Variants in CNTN5 observed in about 807,000 individuals in gnomAD.
CNTN5 encodes the protein contactin-5.
Under a neutral mutation model 129.1 loss-of-function variants are expected in CNTN5, and 77 were observed. That is an observed-to-expected ratio of 0.60 (90% CI 0.50 to 0.72). The LOEUF is 0.72. CNTN5 is among the 30% of genes least tolerant of loss of function. The probability of loss-of-function intolerance (pLI) is 0.00; values close to 1 mark genes in which losing one functional copy is unlikely to be tolerated. For synonymous variants in CNTN5, 509 were observed against 465.6 expected (o/e 1.09, Z -1.20); for missense variants, 1,478 against 1,328.8 (o/e 1.11, Z -1.75).
At chr11:100,209,520 T>C (rs1249943398) in intron 15 of CNTN5, among the ~76,000 whole-genome samples, 3 of 152,208 alleles carry the variant, frequency 2.0e-5, no homozygotes, top group Admixed American at 2.0e-4. Context: ...TACTTGTTAA[T>C]AGAAAATCAG....
chr11:99,207,925 C>G (rs1859565251), intron 1 of CNTN5, among the ~76,000 whole-genome samples: 1 of 152,140 alleles, frequency 6.6e-6, no homozygotes, highest in South Asian at 2.1e-4. Flanking sequence ...TGAGTTATTT[C>G]AAATATATCT....
intron 13 of CNTN5, among the ~76,000 whole-genome samples, chr11:100,102,193 C>T (rs993379536): frequency 6.6e-6 from 1 of 150,908 alleles, no homozygotes; most frequent in African/African-American, 2.4e-5. Context: ...TTGCCACCCT[C>T]AGTGTAAGTG....
chr11:99,670,028 T>A (rs1046247129), intron 3 of CNTN5, among the ~76,000 whole-genome samples: 1 of 152,200 alleles, frequency 6.6e-6, no homozygotes, highest in Admixed American at 6.5e-5. Flanking sequence ...TTATGTGCCA[T>A]GTTGGTGAAA....
intron 6 of CNTN5, among the ~76,000 whole-genome samples, chr11:99,892,363 G>T (rs913552199): frequency 1.3e-5 from 2 of 152,146 alleles, no homozygotes; most frequent in African/African-American, 4.8e-5. Flanking sequence ...GGCTTTTGTT[G>T]CCATTGCTTT....
Position 100,235,325 on chromosome 11 carries a change from A to T in CNTN5, c.2005+10513A>T, listed in dbSNP as rs34730425. Among the ~76,000 whole-genome samples the T allele has an allele frequency of 5.0e-3, 764 of 152,192 alleles. 6 individuals carry two copies. Among genetic ancestry groups the T allele is most frequent in the African/African-American group, 0.015 (614 of 41,508 alleles). ...AATTTACTGTCATGTGATGTAGGAGATCAGTCAGAGTGATGGAGAAACTAT... is the reference window on the plus strand; with the variant it reads ...AATTTACTGTCATGTGATGTAGGAGTTCAGTCAGAGTGATGGAGAAACTAT... On this transcript the variant is annotated intron_variant, in intron 16 of 24. Coordinates refer to ENST00000524871, the MANE Select transcript of CNTN5 (RefSeq NM_014361.4).
chr11:100,107,007 A>G (rs1318325690), intron 13 of CNTN5, among the ~76,000 whole-genome samples: 1 of 152,212 alleles, frequency 6.6e-6, no homozygotes, highest in Non-Finnish European at 1.5e-5. Context: ...CATATTAACT[A>G]CAGTCATACC....
intron 3 of CNTN5, among the ~76,000 whole-genome samples, chr11:99,639,244 TC>T (rs1451565190): frequency 6.6e-6 from 1 of 152,094 alleles, no homozygotes. Flanking sequence ...GAGCACCAAG[TC>T]CCTTGGCTGC....
chr11:100,262,503 C>G (rs1231809404), intron 17 of CNTN5, among the ~76,000 whole-genome samples: 1 of 152,110 alleles, frequency 6.6e-6, no homozygotes, highest in Non-Finnish European at 1.5e-5. Context: ...ATGTTTACTG[C>G]AGCACTATTC....
chr11:99,320,887 G>A (rs1865539978), intron 1 of CNTN5, among the ~76,000 whole-genome samples: 1 of 152,092 alleles, frequency 6.6e-6, no homozygotes, highest in Non-Finnish European at 1.5e-5. Context: ...TCAGTTAACC[G>A]TGTAAAGTAG....
In CNTN5 at chr11:99,474,190, A is replaced by T. The variant is rs568130940; in HGVS notation, c.-70-81955A>T. On this transcript the variant is annotated intron_variant, in intron 2 of 24. Coordinates refer to ENST00000524871, the MANE Select transcript of CNTN5 (RefSeq NM_014361.4). ...TTATATATAAAAAATACTGTATTGTAATAAGAAGTTCTAGGGATTTTTTAA... is the reference window on the plus strand; with the variant it reads ...TTATATATAAAAAATACTGTATTGTTATAAGAAGTTCTAGGGATTTTTTAA... 2.0e-5 allele frequency among the ~76,000 whole-genome samples: 3 copies of T among 149,490 alleles called. No individual in the cohort carries two copies. In the East Asian group the frequency reaches 5.8e-4, roughly 29 times the overall value.
intron 2 of CNTN5, among the ~76,000 whole-genome samples, chr11:99,369,625 C>T (rs531684580): frequency 6.6e-6 from 1 of 151,684 alleles, no homozygotes; most frequent in East Asian, 1.9e-4. Context: ...ACAGTTGAAA[C>T]ATTTGAAATT....
In CNTN5 at chr11:100,264,397, A is replaced by T. The variant is rs555436481; in HGVS notation, c.2165-6695A>T. Among the ~76,000 whole-genome samples, 7 of 151,994 alleles carry T rather than the reference A, an allele frequency of 4.6e-5. No individual in the cohort carries two copies. In the East Asian group the frequency reaches 1.4e-3, roughly 30 times the overall value. ...TGCTCTCTCCTCCCCTCATCCCCTGACAGACCCCAGTATGTGTTGTTTCTC... is the reference window on the plus strand; with the variant it reads ...TGCTCTCTCCTCCCCTCATCCCCTGTCAGACCCCAGTATGTGTTGTTTCTC... On this transcript the variant is annotated intron_variant, in intron 17 of 24. Coordinates refer to ENST00000524871, the MANE Select transcript of CNTN5 (RefSeq NM_014361.4).
In CNTN5 at chr11:99,245,912, C is replaced by A. The variant is rs201878704; in HGVS notation, c.-209-79434C>A. ...TGACAATCAAAAATGTCTTCAGATA[C>A]TGCCAAATATTTCCTGGAAGACAAA... On this transcript the variant is annotated intron_variant, in intron 1 of 24. Coordinates refer to ENST00000524871, the MANE Select transcript of CNTN5 (RefSeq NM_014361.4). Among the ~76,000 whole-genome samples, 6 of 152,082 alleles carry A rather than the reference C, an allele frequency of 3.9e-5. No homozygotes were observed. The East Asian group carries it at 1.2e-3, about 29-fold the overall frequency.
At chr11:100,117,178 T>C (rs1945869191) in intron 13 of CNTN5, among the ~76,000 whole-genome samples, 1 of 151,976 alleles carries the variant, frequency 6.6e-6, no homozygotes, top group African/African-American at 2.4e-5. Flanking sequence ...GGCAAAAACA[T>C]TGTGTGTCTA....
chr11:99,918,196 C>G (rs1252894247), intron 7 of CNTN5, among the ~76,000 whole-genome samples: 1 of 152,098 alleles, frequency 6.6e-6, no homozygotes, highest in African/African-American at 2.4e-5. Flanking sequence ...TTTTATACAG[C>G]TTCAATTTTG....
chr11:99,222,938 C>G (rs896623826), intron 1 of CNTN5, among the ~76,000 whole-genome samples: 4 of 152,132 alleles, frequency 2.6e-5, no homozygotes, highest in East Asian at 1.9e-4. Context: ...TCTATTCCCT[C>G]TTGGTCAACG....
chr11:100,070,635 A>T lies in CNTN5; in HGVS notation c.1299+75A>T, dbSNP rs577036775. On this transcript the variant is annotated intron_variant, in intron 11 of 24. Coordinates refer to ENST00000524871, the MANE Select transcript of CNTN5 (RefSeq NM_014361.4). ...CACACAGGACAAACTAGGCTTCTTT[A>T]GTCTTATTGAAAGCCTTTTCCTGTT... 4.6e-5 allele frequency: 65 copies of T among 1,416,776 alleles called. 1 individual carries two copies. In the African/African-American group the frequency reaches 9.1e-4, roughly 20 times the overall value. The allele number at this position is 1,416,776 out of a possible 1,614,324, so 87.8% of individuals were successfully genotyped here.
At chr11:99,400,343 A>C (rs1262493844) in intron 2 of CNTN5, among the ~76,000 whole-genome samples, 1 of 152,142 alleles carries the variant, frequency 6.6e-6, no homozygotes, top group Non-Finnish European at 1.5e-5. Context: ...GGAATGAACA[A>C]TAGAATGGAC....
chr11:99,594,396 A>C (rs1256397183), intron 3 of CNTN5, among the ~76,000 whole-genome samples: 1 of 152,124 alleles, frequency 6.6e-6, no homozygotes, highest in African/African-American at 2.4e-5. Flanking sequence ...ATATCTGGAC[A>C]AAGCTTGCAC....
Sources: allele counts gnomAD v4.1 joint callset (sites outside exome capture counted in the v4.1 genomes callset), GRCh38; gene constraint gnomAD v4.1.1; transcripts MANE v1.5; gene names NCBI Gene and HGNC (gene_info 2026-07-23, HGNC 2026-07-21).